The following POU6F2 variants were observed in gnomAD, a reference collection of about 807,000 sequenced individuals.
POU6F2 encodes POU class 6 homeobox 2.
Under a neutral mutation model 71.3 loss-of-function variants are expected in POU6F2, and 31 were observed. The observed-to-expected ratio is 0.43, with a 90% CI of 0.33 to 0.59. The LOEUF (loss-of-function observed/expected upper bound fraction) is 0.59, where lower values mean the gene tolerates loss of function less well. POU6F2 is among the 20% of genes least tolerant of loss of function. The pLI, the probability that POU6F2 is intolerant of heterozygous loss-of-function variation, is 0.04. For missense variants in POU6F2, 783 were observed against 856.8 expected (o/e 0.91, Z 1.07); for synonymous variants, 347 against 355.7 (o/e 0.98, Z 0.27).
intron 5 of POU6F2, among the ~76,000 whole-genome samples, chr7:39,365,295 C>G (rs754425377): frequency 5.3e-5 from 8 of 152,120 alleles, no homozygotes; most frequent in Non-Finnish European, 8.8e-5. Flanking sequence ...GGGGAAGGGT[C>G]CCCTATTCAA....
At chr7:39,035,579 C>G (rs1484042620) in intron 1 of POU6F2, among the ~76,000 whole-genome samples, 1 of 152,116 alleles carries the variant, frequency 6.6e-6, no homozygotes, top group African/African-American at 2.4e-5. Context: ...TCACTTCTTC[C>G]TGCGAATCAG....
At chr7:39,021,978 A>G (rs1789688411) in intron 1 of POU6F2, among the ~76,000 whole-genome samples, 1 of 152,060 alleles carries the variant, frequency 6.6e-6, no homozygotes, top group South Asian at 2.1e-4. Flanking sequence ...TTTTATCTTT[A>G]TTCTTGGAAT....
chr7:39,405,614 TA>T (rs1482282895), intron 5 of POU6F2, among the ~76,000 whole-genome samples: 1 of 152,246 alleles, frequency 6.6e-6, no homozygotes, highest in Non-Finnish European at 1.5e-5. Flanking sequence ...GAAATTCATG[TA>T]TCAAAACCAA....
At chr7:39,073,951 A>G (rs1000103163) in intron 1 of POU6F2, among the ~76,000 whole-genome samples, 1 of 152,372 alleles carries the variant, frequency 6.6e-6, no homozygotes, top group Non-Finnish European at 1.5e-5. Flanking sequence ...AGAAAATTCT[A>G]CAGAATTTAC....
At chr7:39,297,200 C>CAT (rs941846422) in intron 4 of POU6F2, among the ~76,000 whole-genome samples, 8 of 115,032 alleles carry the variant, frequency 7.0e-5, no homozygotes, top group African/African-American at 2.7e-4. Context: ...TACACATACA[C>CAT]ACACACACAC....
Position 39,410,969 on chromosome 7 carries a change from G to A in POU6F2, c.1113+4229G>A, listed in dbSNP as rs2237399. 6.5e-3 allele frequency among the ~76,000 whole-genome samples: 985 copies of A among 152,240 alleles called. 18 individuals carry two copies. The highest frequency in any genetic ancestry group is 0.063 in the East Asian group (324 of 5,180). ...AAAATGGAGATAATAGTAACACCGG[G>A]TCCTAGGACTAAAGTCCTGAGAATG... is the stretch of plus-strand genomic sequence containing the variant. On this transcript the variant is annotated intron_variant, in intron 6 of 9. Coordinates refer to ENST00000518318, the MANE Select transcript of POU6F2 (RefSeq NM_001370959.1).
Position 39,026,878 on chromosome 7 carries a change from T to A in POU6F2, c.105+48820T>A, listed in dbSNP as rs1789818023. 2.0e-5 allele frequency among the ~76,000 whole-genome samples: 3 copies of A among 152,148 alleles called. No homozygotes were observed. In the South Asian group the frequency reaches 6.2e-4, roughly 32 times the overall value. ...GATGATGGAGTAACCTAGGTTGGAA[T>A]GCAGGGCAGTAAGAAGATGGATATT... On this transcript the variant is annotated intron_variant, in intron 1 of 9. Coordinates refer to ENST00000518318, the MANE Select transcript of POU6F2 (RefSeq NM_001370959.1).
At chr7:39,425,745 C>T (rs1787953402) in intron 6 of POU6F2, among the ~76,000 whole-genome samples, 1 of 152,144 alleles carries the variant, frequency 6.6e-6, no homozygotes, top group African/African-American at 2.4e-5. Flanking sequence ...TTCTTGCCTT[C>T]ATTTCTCCTC....
At chr7:39,016,145 T>C (rs1236963917) in intron 1 of POU6F2, among the ~76,000 whole-genome samples, 1 of 108,332 alleles carries the variant, frequency 9.2e-6, no homozygotes, top group Non-Finnish European at 1.8e-5. Flanking sequence ...ATTATATCTA[T>C]ATTATATATA....
intron 4 of POU6F2, among the ~76,000 whole-genome samples, chr7:39,295,152 T>C (rs551615642): frequency 2.2e-5 from 3 of 136,262 alleles, no homozygotes; most frequent in Non-Finnish European, 4.6e-5. Flanking sequence ...GCTTGCTTGC[T>C]TTTTTTTTTT....
chr7:39,242,526 CTAAA>C (rs1046970253), intron 4 of POU6F2, among the ~76,000 whole-genome samples: 3 of 151,554 alleles, frequency 2.0e-5, no homozygotes, highest in Non-Finnish European at 4.4e-5. Flanking sequence ...AGTAAAGTGT[CTAAA>C]AAGAAAGGCT....
intron 4 of POU6F2, among the ~76,000 whole-genome samples, chr7:39,270,873 T>C (rs193117376): frequency 1.3e-5 from 2 of 152,324 alleles, no homozygotes; most frequent in Non-Finnish European, 2.9e-5. Flanking sequence ...ACTTCGAGGC[T>C]CACTTTCTTC....
chr7:39,071,853 T>C (rs1313554040), intron 1 of POU6F2, among the ~76,000 whole-genome samples: 1 of 152,216 alleles, frequency 6.6e-6, no homozygotes, highest in Non-Finnish European at 1.5e-5. Context: ...TTTCCTCGTT[T>C]ATCTTAACAC....
intron 2 of POU6F2, among the ~76,000 whole-genome samples, chr7:39,167,608 G>C (rs954713780): frequency 6.6e-6 from 1 of 151,910 alleles, no homozygotes; most frequent in African/African-American, 2.4e-5. Flanking sequence ...CATGACTGTA[G>C]CATTTTATAC....
At chr7:39,321,402 G>C (rs1221314703) in intron 4 of POU6F2, among the ~76,000 whole-genome samples, 2 of 152,146 alleles carry the variant, frequency 1.3e-5, no homozygotes, top group Admixed American at 1.3e-4. Flanking sequence ...CAAATCATGA[G>C]CAAAAGCCAG....
intron 2 of POU6F2, among the ~76,000 whole-genome samples, chr7:39,198,403 G>A (rs1793828072): frequency 6.6e-6 from 1 of 151,484 alleles, no homozygotes; most frequent in African/African-American, 2.4e-5. Context: ...ATGTGTAGAT[G>A]CAGCCTTAAA....
intron 5 of POU6F2, among the ~76,000 whole-genome samples, chr7:39,371,177 G>T (rs1047886401): frequency 6.6e-6 from 1 of 151,696 alleles, no homozygotes. Context: ...CAGACTCGGA[G>T]AATGGTTTTT....
intron 1 of POU6F2, among the ~76,000 whole-genome samples, chr7:39,027,192 T>G (rs1396447798): frequency 6.6e-6 from 1 of 152,168 alleles, no homozygotes; most frequent in Non-Finnish European, 1.5e-5. Context: ...GAATGAGTAA[T>G]AGGAAATATA....
chr7:39,210,012 C>A (rs1794105604), intron 4 of POU6F2, among the ~76,000 whole-genome samples: 2 of 152,190 alleles, frequency 1.3e-5, no homozygotes, highest in Admixed American at 1.3e-4. Context: ...TTCATGCAGT[C>A]AACAGCGAGG....
Sources: gnomAD v4.1 joint callset for allele counts (sites outside exome capture counted in the v4.1 genomes callset) on GRCh38, gnomAD v4.1.1 for gene constraint, MANE v1.5 for transcripts, NCBI Gene and HGNC (gene_info 2026-07-23, HGNC 2026-07-21) for gene names.